Variants in STPG2 observed in about 807,000 individuals in gnomAD.
STPG2 encodes the protein sperm-tail PG-rich repeat-containing protein 2.
Under a neutral mutation model 54.2 loss-of-function variants are expected in STPG2, and 56 were observed. The observed-to-expected ratio is 1.03, with a 90% CI of 0.83 to 1.29. The LOEUF (loss-of-function observed/expected upper bound fraction) is 1.29, where lower values mean the gene tolerates loss of function less well. Among genes scored for constraint, STPG2 ranks in the 50% most tolerant of loss-of-function variants. The pLI is 0.00. For missense variants in STPG2, 596 were observed against 544.9 expected, an observed-to-expected ratio of 1.09 and a Z score of -0.93; for synonymous variants, 200 against 181.8, an observed-to-expected ratio of 1.10 and a Z score of -0.81.
chr4:98,127,658 T>C (rs1739867228), intron 3 of STPG2, among the ~76,000 whole-genome samples: 1 of 152,208 alleles, frequency 6.6e-6, no homozygotes, highest in East Asian at 1.9e-4. Flanking sequence ...TGTCTTATAA[T>C]TGAGTAAAAT....
At chr4:97,919,133 A>C (rs940344398) in intron 8 of STPG2, among the ~76,000 whole-genome samples, 1 of 152,182 alleles carries the variant, frequency 6.6e-6, no homozygotes, top group East Asian at 1.9e-4. Context: ...ACATGAATTA[A>C]AAAACATCTT....
In STPG2 at chr4:97,618,680, C is replaced by T. The variant is rs566437035; in HGVS notation, c.1321-59563G>A. Among the ~76,000 whole-genome samples, 11 of 152,240 alleles carry T rather than the reference C, an allele frequency of 7.2e-5. No homozygotes were observed. In the East Asian group the frequency reaches 1.9e-3, roughly 27 times the overall value. ...ATGCACTGTGTTTCTCAATATAATG[C>T]TGTTTTCTTGTTAATCAAGACTTCT... On this transcript the variant is annotated intron_variant, in intron 10 of 10. Coordinates refer to ENST00000295268, the MANE Select transcript of STPG2 (RefSeq NM_174952.3).
At chr4:97,636,583 A>G (rs1418186144) in intron 10 of STPG2, among the ~76,000 whole-genome samples, 278 of 133,242 alleles carry the variant, frequency 2.1e-3, no homozygotes, top group African/African-American at 5.0e-3. Context: ...AACAAAATTG[A>G]TAGACTGCTA....
At chr4:97,771,853 G>A (rs1292563383) in intron 9 of STPG2, among the ~76,000 whole-genome samples, 1 of 152,210 alleles carries the variant, frequency 6.6e-6, no homozygotes, top group Non-Finnish European at 1.5e-5. Context: ...GGAGAAATAA[G>A]AGTGTCAGTG....
At chr4:98,065,373 G>A (rs938986626) in intron 5 of STPG2, among the ~76,000 whole-genome samples, 2 of 151,962 alleles carry the variant, frequency 1.3e-5, no homozygotes, top group Non-Finnish European at 2.9e-5. Flanking sequence ...TCCAGTAACT[G>A]GATAATTATA....
At chr4:97,949,610 A>C (rs1217407174) in intron 7 of STPG2, among the ~76,000 whole-genome samples, 1 of 152,182 alleles carries the variant, frequency 6.6e-6, no homozygotes, top group South Asian at 2.1e-4. Context: ...TGGTAGTAAA[A>C]AGTTTTCTCA....
chr4:97,976,333 A>C (rs1256843858), intron 6 of STPG2, among the ~76,000 whole-genome samples: 1 of 152,152 alleles, frequency 6.6e-6, no homozygotes, highest in Non-Finnish European at 1.5e-5. Flanking sequence ...TGTCAAATCT[A>C]TCTCCCTTCT....
chr4:97,940,483 G>A (rs1732935113), intron 8 of STPG2, among the ~76,000 whole-genome samples: 1 of 152,128 alleles, frequency 6.6e-6, no homozygotes, highest in Non-Finnish European at 1.5e-5. Context: ...CTTCTTGGAG[G>A]TTTTGTTCAT....
At chr4:98,114,753 AT>A (rs33980852) in intron 3 of STPG2, among the ~76,000 whole-genome samples, 54,056 of 145,358 alleles carry the variant, frequency 0.37, 10,438 homozygotes, top group Admixed American at 0.43. Flanking sequence ...AATAATATCC[AT>A]TTTTTTTTTT....
In STPG2 at chr4:98,058,506, C is replaced by T. The variant is rs576024264; in HGVS notation, c.612+47447G>A. On this transcript the variant is annotated intron_variant, in intron 5 of 10. Transcript: ENST00000295268. ...TAAAGGGTTCAATTCAGCAAGAAGA[C>T]CTAACTATCCTATATATACAGGTAC... is the stretch of plus-strand genomic sequence containing the variant. Among the ~76,000 whole-genome samples the T allele has an allele frequency of 9.9e-5, 15 of 152,198 alleles. No homozygotes were observed. The South Asian group carries it at 3.1e-3, about 32-fold the overall frequency.
At chr4:97,765,455 A>T (rs971286532) in intron 9 of STPG2, among the ~76,000 whole-genome samples, 1 of 152,112 alleles carries the variant, frequency 6.6e-6, no homozygotes, top group African/African-American at 2.4e-5. Flanking sequence ...TCAATGATAG[A>T]TTTGGACATG....
chr4:97,890,404 G>A (rs1730722587), intron 8 of STPG2, among the ~76,000 whole-genome samples: 1 of 151,834 alleles, frequency 6.6e-6, no homozygotes, highest in Admixed American at 6.6e-5. Flanking sequence ...GCTAGCAAAA[G>A]AACAAGTCCT....
chr4:97,466,785 A>T (rs1729798316), intron 4 of STPG2, among the ~76,000 whole-genome samples: 1 of 152,000 alleles, frequency 6.6e-6, no homozygotes, highest in African/African-American at 2.4e-5. Flanking sequence ...AAATTAATGA[A>T]TATTAGAAAA....
chr4:97,550,970 G>A (rs1193357651), intron 4 of STPG2, among the ~76,000 whole-genome samples: 1 of 152,148 alleles, frequency 6.6e-6, no homozygotes, highest in Non-Finnish European at 1.5e-5. Flanking sequence ...GCAGCAAGAT[G>A]TATTGCGAAG....
intron 9 of STPG2, among the ~76,000 whole-genome samples, chr4:97,752,955 C>A (rs936204): frequency 6.6e-6 from 1 of 151,658 alleles, no homozygotes; most frequent in Non-Finnish European, 1.5e-5. Flanking sequence ...TTATTCATTG[C>A]CATGTCAATC....
At chr4:97,609,557 C>A (rs1333055370) in intron 10 of STPG2, among the ~76,000 whole-genome samples, 1 of 151,888 alleles carries the variant, frequency 6.6e-6, no homozygotes, top group Non-Finnish European at 1.5e-5. Flanking sequence ...ACTAGAGGCT[C>A]AAAAGAACCA....
At chr4:97,868,555 C>T (rs1160562915) in intron 8 of STPG2, among the ~76,000 whole-genome samples, 1 of 151,844 alleles carries the variant, frequency 6.6e-6, no homozygotes, top group Non-Finnish European at 1.5e-5. Context: ...ATTCTTGGAG[C>T]TCAGATTCCA....
intron 8 of STPG2, among the ~76,000 whole-genome samples, chr4:97,851,891 A>G (rs954807529): frequency 1.3e-5 from 2 of 152,206 alleles, no homozygotes; most frequent in African/African-American, 4.8e-5. Flanking sequence ...GGCCTGTATA[A>G]CCTTTCTCTT....
intron 5 of STPG2, among the ~76,000 whole-genome samples, chr4:98,097,499 T>C (rs1738894781): frequency 6.6e-6 from 1 of 152,160 alleles, no homozygotes; most frequent in Admixed American, 6.5e-5. Context: ...AAGCCATATA[T>C]GACAGACCCT....
Sources: gnomAD v4.1 joint callset for allele counts (sites outside exome capture counted in the v4.1 genomes callset) on GRCh38, gnomAD v4.1.1 for gene constraint, MANE v1.5 for transcripts, NCBI Gene and HGNC (gene_info 2026-07-23, HGNC 2026-07-21) for gene names.